Variants in UBN2 observed in about 807,000 individuals in gnomAD.
The protein encoded by UBN2 is ubinuclein-2.
A neutral mutation model predicts 120.2 loss-of-function variants in UBN2; 35 were observed. That is an observed-to-expected ratio of 0.29 (90% CI 0.22 to 0.39). The LOEUF (loss-of-function observed/expected upper bound fraction) is 0.39. Among genes scored for constraint, UBN2 ranks in the 10% least tolerant of loss-of-function variants. UBN2 has a pLI of 1.00. For missense variants in UBN2, 1,693 were observed against 1,663.2 expected (o/e 1.02, Z -0.31); for synonymous variants, 661 against 648.7 (o/e 1.02, Z -0.29).
chr7:139,311,603 A>G (rs1288113740), downstream of UBN2, among the ~76,000 whole-genome samples: 2 of 152,218 alleles, frequency 1.3e-5, no homozygotes, highest in Admixed American at 1.3e-4. Flanking sequence ...CTAGCACATA[A>G]TAAGAGCTTA....
Position 139,306,504 on chromosome 7 carries a change from G to C in UBN2, c.*8668G>C, listed in dbSNP as rs1278066826. ...TTTGGTCACCTATTTTTGAGTCTTG[G>C]CTATGCCTTTGTAATTAGTTACATA... On this transcript the variant is annotated 3_prime_UTR_variant, in exon 18 of 18. Coordinates refer to ENST00000473989, the MANE Select transcript of UBN2 (RefSeq NM_173569.4). 4 of 152,040 alleles carry C rather than the reference G, an allele frequency of 2.6e-5. No individual in the cohort carries two copies. Among genetic ancestry groups the C allele is most frequent in the Non-Finnish European group, 5.9e-5 (4 of 68,026 alleles). 9.4% of individuals were successfully genotyped at this position (152,040 alleles called of 1,614,324 possible). A position where few individuals can be genotyped will look rare whatever the true frequency, so the allele number is the denominator to read the frequency against.
intron 2 of UBN2, among the ~76,000 whole-genome samples, chr7:139,240,105 A>C (rs771580621): frequency 6.6e-6 from 1 of 152,078 alleles, no homozygotes; most frequent in African/African-American, 2.4e-5. Flanking sequence ...AAGCCTTGTT[A>C]TTTTGTTTAC....
rs762452343 is a variant in UBN2 at position 139,266,314 on chromosome 7, A to C, written c.1396-19A>C. On this transcript the variant is annotated intron_variant, in intron 6 of 17. Coordinates refer to ENST00000473989, the MANE Select transcript of UBN2 (RefSeq NM_173569.4). ...TAATGGCCTATTTTGATTTATTATC[A>C]TCTTTCTTGTTTCTTTAGGCTGCCA... The C allele has an allele frequency of 1.3e-6, 2 of 1,521,710 alleles. No individual in the cohort carries two copies. Among genetic ancestry groups the C allele is most frequent in the Non-Finnish European group, 1.8e-6 (2 of 1,107,384 alleles). 94.3% of individuals were successfully genotyped at this position (1,521,710 alleles called of 1,614,324 possible).
rs1478558947 is a variant in UBN2 at position 139,301,389 on chromosome 7, G to C, written c.*3553G>C. 6.6e-6 allele frequency: 1 copy of C among 152,136 alleles called. No individual in the cohort carries two copies. Among genetic ancestry groups the C allele is most frequent in the African/African-American group, 2.4e-5 (1 of 41,428 alleles). The allele number at this position is 152,136 out of a possible 1,614,324, so 9.4% of individuals were successfully genotyped here. A position where few individuals can be genotyped will look rare whatever the true frequency, so the allele number is the denominator to read the frequency against. On this transcript the variant is annotated 3_prime_UTR_variant, in exon 18 of 18. Transcript: ENST00000473989. ...CCCTTTCCACCTATACTTGGTTCAA[G>C]ACATTTTCTGAAACGAAAATTCTGC...
At chr7:139,315,066 C>T in the UBN2 span, among the ~76,000 whole-genome samples, 1 of 151,934 alleles carries the variant, frequency 6.6e-6, no homozygotes, top group Non-Finnish European at 1.5e-5. Context: ...AGCTCCGCCT[C>T]CCGGGTTCAC....
the UBN2 span, among the ~76,000 whole-genome samples, chr7:139,317,793 G>A: frequency 2.6e-5 from 4 of 152,008 alleles, no homozygotes; most frequent in Non-Finnish European, 4.4e-5. Flanking sequence ...CTCCCAAGTA[G>A]CCGGGATCAT....
chr7:139,244,688 CTATAGA>C (rs1796416852), intron 2 of UBN2, among the ~76,000 whole-genome samples: 1 of 151,924 alleles, frequency 6.6e-6, no homozygotes, highest in African/African-American at 2.4e-5. Context: ...TTATACATAT[CTATAGA>C]TATATATTGC....
chr7:139,267,194 A>T (rs528547865), intron 7 of UBN2, among the ~76,000 whole-genome samples: 1 of 152,202 alleles, frequency 6.6e-6, no homozygotes, highest in African/African-American at 2.4e-5. Context: ...GGTGAAAATA[A>T]TGTTTGCTTA....
In UBN2 at chr7:139,284,058, C is replaced by G; in HGVS notation, c.3153C>G (p.Pro1051=). 6.2e-7 allele frequency: 1 copy of G among 1,614,154 alleles called. No homozygotes were observed. The highest frequency in any genetic ancestry group is 1.1e-5 in the South Asian group (1 of 91,072). Residue 1051 remains proline, a synonymous_variant, in exon 15 of 18, where the codon CCC becomes CCG. Transcript: ENST00000473989. ...ASPKPATSPK[P]LPSPKPSASP... is the part of the protein sequence containing the mutation. The stretch of plus-strand genomic sequence containing the variant: ...CCAAGCCTGCCACATCTCCTAAACC[C>G]CTGCCCTCGCCTAAGCCTTCTGCCT...
intron 2 of UBN2, among the ~76,000 whole-genome samples, chr7:139,245,436 T>G (rs1459059190): frequency 6.6e-6 from 1 of 152,144 alleles, no homozygotes; most frequent in African/African-American, 2.4e-5. Flanking sequence ...TTGATAAGAT[T>G]TATACTTATT....
chr7:139,277,621 T>C (rs1264528903), intron 12 of UBN2: 1 of 152,250 alleles, frequency 6.6e-6, no homozygotes, highest in East Asian at 1.9e-4. Context: ...TTTTTTTTAG[T>C]ATAAATTCTA....
chr7:139,257,771 A>C lies in UBN2; in HGVS notation c.664-717A>C, dbSNP rs572049520. On this transcript the variant is annotated intron_variant, in intron 3 of 17. Transcript: ENST00000473989. ...TTAAAAGCATACGGCTAAGACAGAA[A>C]AAATAGTTTCTGTTAAACAGAATGT... 4.6e-5 allele frequency among the ~76,000 whole-genome samples: 7 copies of C among 152,238 alleles called. No individual in the cohort carries two copies. The South Asian group carries it at 1.2e-3, about 27-fold the overall frequency.
chr7:139,319,600 A>G, the UBN2 span, among the ~76,000 whole-genome samples: 1 of 152,148 alleles, frequency 6.6e-6, no homozygotes, highest in Non-Finnish European at 1.5e-5. Context: ...CTAAAAAATC[A>G]AAAATGATAA....
In UBN2 at chr7:139,283,128, T is replaced by C; in HGVS notation, c.2223T>C (p.Ser741=). The change falls in exon 15 of 18, where the codon TCT becomes TCC. Residue 741 remains serine (S), a synonymous_variant. Coordinates refer to ENST00000473989, the MANE Select transcript of UBN2 (RefSeq NM_173569.4). ...SSTAAIAAAS[S]SSAPAQETIC... ...CAGCTGCCATTGCTGCAGCTAGCTC[T>C]AGCTCTGCACCAGCCCAAGAAACCA... 1 of 1,612,856 alleles carries C rather than the reference T, an allele frequency of 6.2e-7. No homozygotes were observed.
At chr7:139,319,210 G>A in the UBN2 span, among the ~76,000 whole-genome samples, 1 of 152,122 alleles carries the variant, frequency 6.6e-6, no homozygotes, top group Non-Finnish European at 1.5e-5. Context: ...AGCTTCCCGA[G>A]TAGCTGGGAT....
At chr7:139,326,285 AAAC>A in the UBN2 span, among the ~76,000 whole-genome samples, 1 of 152,042 alleles carries the variant, frequency 6.6e-6, no homozygotes, top group Non-Finnish European at 1.5e-5. Context: ...ACAAACAAAC[AAAC>A]AAAAAATGGG....
intron 14 of UBN2, among the ~76,000 whole-genome samples, chr7:139,282,633 G>A (rs1421187089): frequency 1.3e-5 from 2 of 152,144 alleles, no homozygotes; most frequent in Non-Finnish European, 2.9e-5. Context: ...CATCCCAGAC[G>A]AGAAGGGGAG....
chr7:139,287,283 TTTC>T (rs543164943), intron 15 of UBN2, among the ~76,000 whole-genome samples: 205 of 152,268 alleles, frequency 1.3e-3, no homozygotes, highest in Non-Finnish European at 2.2e-3. Flanking sequence ...CTCTCAGCAT[TTTC>T]TTCTTTTTGT....
At chr7:139,268,097 G>A (rs1210264943) in intron 7 of UBN2, among the ~76,000 whole-genome samples, 4 of 152,148 alleles carry the variant, frequency 2.6e-5, no homozygotes, top group South Asian at 2.1e-4. Context: ...GTTTCTCTCC[G>A]GGGAGAGTCA....
Sources: gnomAD v4.1 joint callset for allele counts (sites outside exome capture counted in the v4.1 genomes callset) on GRCh38, gnomAD v4.1.1 for gene constraint, MANE v1.5 for transcripts, NCBI Gene and HGNC (gene_info 2026-07-23, HGNC 2026-07-21) for gene names.